The following GPHN variants were observed in gnomAD, a reference collection of about 807,000 sequenced individuals.
GPHN encodes gephyrin.
GPHN carries 17 observed loss-of-function variants against 95.5 expected under a neutral mutation model. The observed-to-expected ratio is 0.18, with a 90% confidence interval of 0.12 to 0.27. The LOEUF is 0.27. GPHN is among the 10% of genes least tolerant of loss of function. The pLI, the probability that GPHN is intolerant of heterozygous loss-of-function variation, is 1.00. For synonymous variants in GPHN, 320 were observed against 322.5 expected, an observed-to-expected ratio of 0.99 and a Z score of 0.08; for missense variants, 660 against 978.1, an observed-to-expected ratio of 0.67 and a Z score of 4.34.
intron 11 of GPHN, among the ~76,000 whole-genome samples, chr14:67,069,609 A>C (rs1049734738): frequency 6.6e-6 from 1 of 152,190 alleles, no homozygotes; most frequent in Non-Finnish European, 1.5e-5. Flanking sequence ...ACCTAGGTCA[A>C]AGACACTGAA....
chr14:67,380,104 AG>A, the GPHN span, among the ~76,000 whole-genome samples: 1 of 152,120 alleles, frequency 6.6e-6, no homozygotes, highest in East Asian at 1.9e-4. Flanking sequence ...TACTTTTTAC[AG>A]TGCTACTCCT....
chr14:67,727,490 T>TG, the GPHN span: 4 of 352,784 alleles, frequency 1.1e-5, no homozygotes, highest in Non-Finnish European at 1.6e-5. Context: ...TTTTTGTTTT[T>TG]TTTTTTTTGA....
At chr14:67,208,790 G>A in the GPHN span, among the ~76,000 whole-genome samples, 7 of 151,934 alleles carry the variant, frequency 4.6e-5, no homozygotes, top group East Asian at 1.9e-4. Context: ...CCAGCTACTC[G>A]GGAGGCTGAG....
intron 1 of GPHN, among the ~76,000 whole-genome samples, chr14:66,531,939 C>T (rs2058959919): frequency 6.6e-6 from 1 of 152,110 alleles, no homozygotes; most frequent in Non-Finnish European, 1.5e-5. Flanking sequence ...CAGCTCTGCC[C>T]TTGTAGCATG....
the GPHN span, chr14:67,600,145 C>G: frequency 6.3e-7 from 1 of 1,593,400 alleles, no homozygotes; most frequent in Non-Finnish European, 8.5e-7. Flanking sequence ...GGAGTAGTAG[C>G]GGCGCTGCAG....
chr14:67,266,150 A>G, the GPHN span, among the ~76,000 whole-genome samples: 3 of 152,022 alleles, frequency 2.0e-5, no homozygotes, highest in African/African-American at 4.8e-5. Context: ...AAACGAGTTC[A>G]GTTTACTTTG....
intron 3 of GPHN, among the ~76,000 whole-genome samples, chr14:66,806,987 T>C (rs1299954417): frequency 1.3e-5 from 2 of 152,170 alleles, no homozygotes; most frequent in African/African-American, 4.8e-5. Flanking sequence ...TTTCACACTA[T>C]TGATAAAGAC....
At chr14:67,579,245 G>A in the GPHN span, 24 of 1,606,420 alleles carry the variant, frequency 1.5e-5, no homozygotes, top group Non-Finnish European at 2.0e-5. Flanking sequence ...CCATCCTGCT[G>A]CGTAACCCCT....
rs571150833 is a variant in GPHN at position 66,829,927 on chromosome 14, A to G, written c.294+5361A>G. Among the ~76,000 whole-genome samples, 3 of 152,198 alleles carry G rather than the reference A, an allele frequency of 2.0e-5. No individual in the cohort carries two copies. In the South Asian group the frequency reaches 6.2e-4, roughly 32 times the overall value. Reference sequence around the variant, plus strand: ...CCAGGGAGCTAAGAATATATTTTACATTTTTAAATGGCTGAAAAAATCAAA... The same window carrying G: ...CCAGGGAGCTAAGAATATATTTTACGTTTTTAAATGGCTGAAAAAATCAAA... On this transcript the variant is annotated intron_variant, in intron 4 of 22. Transcript: ENST00000478722.
chr14:67,374,625 T>A, the GPHN span: 1 of 937,774 alleles, frequency 1.1e-6, no homozygotes, highest in East Asian at 2.6e-5. Context: ...TTCATACTGC[T>A]ACTACCTTAA....
chr14:66,615,829 G>A (rs760606880), intron 1 of GPHN, among the ~76,000 whole-genome samples: 1 of 150,806 alleles, frequency 6.6e-6, no homozygotes, highest in Middle Eastern at 3.4e-3. Context: ...AGGTTTTCTT[G>A]TAGGTTTTTT....
chr14:66,938,972 G>T (rs1344335017), intron 8 of GPHN, among the ~76,000 whole-genome samples: 2 of 152,146 alleles, frequency 1.3e-5, no homozygotes, highest in Non-Finnish European at 2.9e-5. Context: ...AAATGGTCCT[G>T]GGAAAACTGG....
At chr14:67,584,070 C>T in the GPHN span, 1 of 1,614,026 alleles carries the variant, frequency 6.2e-7, no homozygotes, top group Non-Finnish European at 8.5e-7. Flanking sequence ...TCCGCATCTA[C>T]CTGACCGTGG....
At chr14:67,524,283 T>G in the GPHN span, among the ~76,000 whole-genome samples, 131 of 152,226 alleles carry the variant, frequency 8.6e-4, no homozygotes, top group African/African-American at 3.1e-3. Flanking sequence ...CAAACTCATG[T>G]TCTAGGAAGA....
chr14:66,756,764 C>T (rs2058571694), intron 2 of GPHN, among the ~76,000 whole-genome samples: 1 of 152,104 alleles, frequency 6.6e-6, no homozygotes, highest in African/African-American at 2.4e-5. Context: ...TAAATAAATG[C>T]TTTCAGTTAT....
At chr14:67,244,483 A>C in the GPHN span, among the ~76,000 whole-genome samples, 4 of 152,234 alleles carry the variant, frequency 2.6e-5, no homozygotes, top group Admixed American at 6.5e-5. Flanking sequence ...TTCTTTAAAA[A>C]ATATTTAACT....
chr14:66,964,577 A>G (rs932248983), intron 8 of GPHN, among the ~76,000 whole-genome samples: 6 of 152,188 alleles, frequency 3.9e-5, no homozygotes, highest in African/African-American at 1.2e-4. Flanking sequence ...AAGGAGTGCT[A>G]TTAGAATCTA....
intron 4 of GPHN, among the ~76,000 whole-genome samples, chr14:66,855,445 A>G (rs1189245126): frequency 6.6e-6 from 1 of 152,196 alleles, no homozygotes; most frequent in East Asian, 1.9e-4. Flanking sequence ...TGCATGTTGT[A>G]GTATATATCA....
In GPHN at chr14:67,038,273, A is replaced by T. The variant is rs376919483; in HGVS notation, c.1006+14598A>T. On this transcript the variant is annotated intron_variant, in intron 10 of 22. Transcript: ENST00000478722. ...AGTAATTGAACTCATAGAAAGTAGAATGGTGGTTGCCAGGGGCTGGGAGGA... is the reference window on the plus strand; with the variant it reads ...AGTAATTGAACTCATAGAAAGTAGATTGGTGGTTGCCAGGGGCTGGGAGGA... 6.6e-5 allele frequency among the ~76,000 whole-genome samples: 10 copies of T among 152,254 alleles called. No individual in the cohort carries two copies. In the East Asian group the frequency reaches 1.7e-3, roughly 26 times the overall value.
Sources: allele counts gnomAD v4.1 joint callset (sites outside exome capture counted in the v4.1 genomes callset), GRCh38; gene constraint gnomAD v4.1.1; transcripts MANE v1.5; gene names NCBI Gene and HGNC (gene_info 2026-07-23, HGNC 2026-07-21).